The following SPEF2 variants were observed in gnomAD, a reference collection of about 807,000 sequenced individuals.
The protein encoded by SPEF2 is sperm flagellar and cilia associated 2.
SPEF2 carries 187 observed loss-of-function variants against 224.6 expected under a neutral mutation model. That is an observed-to-expected ratio of 0.83 (90% CI 0.74 to 0.94). The LOEUF is 0.94. Ranked by LOEUF, SPEF2 falls within the 40% of genes least tolerant of loss-of-function variation. SPEF2 has a pLI of 0.00. For missense variants in SPEF2, 2,170 were observed against 2,135.6 expected, an observed-to-expected ratio of 1.02 and a Z score of -0.32; for synonymous variants, 715 against 707.3, an observed-to-expected ratio of 1.01 and a Z score of -0.17.
chr5:35,637,662 G>C (rs989559329), intron 2 of SPEF2, among the ~76,000 whole-genome samples: 4 of 152,150 alleles, frequency 2.6e-5, no homozygotes, highest in Admixed American at 1.3e-4. Context: ...AGCTTCTGGT[G>C]TACAGGGTAA....
At chr5:35,671,602 T>C in intron 10 of SPEF2, 1 of 824,676 alleles carries the variant, frequency 1.2e-6, no homozygotes, top group Non-Finnish European at 1.5e-6. Context: ...AATGTTTATT[T>C]CTAAATTACT....
Position 35,649,916 on chromosome 5 carries a change from A to G in SPEF2, c.791+491A>G, listed in dbSNP as rs183709766. ...ACAAAGTTCCTCATTAACTGGCTTCATCTACCTAAAGATAAAGCTCCTTCA... is the reference window on the plus strand; with the variant it reads ...ACAAAGTTCCTCATTAACTGGCTTCGTCTACCTAAAGATAAAGCTCCTTCA... On this transcript the variant is annotated intron_variant, in intron 6 of 36. Coordinates refer to ENST00000356031, the MANE Select transcript of SPEF2 (RefSeq NM_024867.4). Among the ~76,000 whole-genome samples the G allele has an allele frequency of 1.3e-3, 202 of 152,350 alleles. 1 individual carries two copies. The highest frequency in any genetic ancestry group is 4.7e-3 in the African/African-American group (196 of 41,582).
intron 30 of SPEF2, among the ~76,000 whole-genome samples, chr5:35,786,947 A>G (rs367984374): frequency 2.4e-4 from 37 of 152,344 alleles, no homozygotes; most frequent in African/African-American, 8.4e-4. Flanking sequence ...TAATAAACAC[A>G]TATATTCAAT....
intron 6 of SPEF2, among the ~76,000 whole-genome samples, chr5:35,650,977 A>C (rs1038372771): frequency 2.0e-5 from 3 of 152,204 alleles, no homozygotes; most frequent in Non-Finnish European, 4.4e-5. Flanking sequence ...CTTTTGCCTC[A>C]CTGTCCTGTT....
At chr5:35,811,420 C>T (rs1758523160) in intron 36 of SPEF2, among the ~76,000 whole-genome samples, 1 of 152,104 alleles carries the variant, frequency 6.6e-6, no homozygotes, top group African/African-American at 2.4e-5. Flanking sequence ...TTTTAAGATA[C>T]ATATTTGAAA....
intron 10 of SPEF2, chr5:35,670,769 T>TA (rs1751133680): frequency 1.0e-6 from 1 of 984,694 alleles, no homozygotes; most frequent in Admixed American, 6.2e-5. Context: ...AGACTAGAGC[T>TA]ACATTACTGA....
chr5:35,751,357 T>C (rs1749620836), intron 23 of SPEF2, among the ~76,000 whole-genome samples: 1 of 150,622 alleles, frequency 6.6e-6, no homozygotes, highest in African/African-American at 2.4e-5. Flanking sequence ...ACTCCAAATA[T>C]GGTGCAGTGT....
At chr5:35,696,667 A>G (rs1049464326) in intron 14 of SPEF2, among the ~76,000 whole-genome samples, 2 of 152,182 alleles carry the variant, frequency 1.3e-5, no homozygotes, top group African/African-American at 4.8e-5. Flanking sequence ...TTACATTCTA[A>G]TGGAGAGAGA....
At chr5:35,662,177 G>A (rs187456496) in intron 8 of SPEF2, among the ~76,000 whole-genome samples, 1 of 152,112 alleles carries the variant, frequency 6.6e-6, no homozygotes, top group East Asian at 1.9e-4. Context: ...CTAATGGTCA[G>A]TGATGTTAAG....
At chr5:35,775,391 G>C (rs145700518) in intron 28 of SPEF2, among the ~76,000 whole-genome samples, 1 of 152,258 alleles carries the variant, frequency 6.6e-6, no homozygotes, top group East Asian at 1.9e-4. Context: ...GGAAAAATTG[G>C]CGTGAGAATG....
At chr5:35,706,128 C>A (rs957243596) in intron 18 of SPEF2, among the ~76,000 whole-genome samples, 1 of 151,258 alleles carries the variant, frequency 6.6e-6, no homozygotes. Context: ...TATTTGTAAT[C>A]TTTATTTGTT....
At chr5:35,800,395 TTACTC>T (rs1032054580) in intron 34 of SPEF2, among the ~76,000 whole-genome samples, 6 of 152,152 alleles carry the variant, frequency 3.9e-5, no homozygotes, top group African/African-American at 9.7e-5. Flanking sequence ...GAATCAAACT[TTACTC>T]TATAAAGGAT....
chr5:35,708,487 C>G, intron 18 of SPEF2, among the ~76,000 whole-genome samples: 1 of 111,326 alleles, frequency 9.0e-6, no homozygotes, highest in Non-Finnish European at 1.9e-5. Flanking sequence ...CTTATACCTG[C>G]TCCGTACACA....
At chr5:35,651,381 C>T (rs544378118) in intron 6 of SPEF2, among the ~76,000 whole-genome samples, 18 of 152,274 alleles carry the variant, frequency 1.2e-4, no homozygotes, top group Admixed American at 2.0e-4. Context: ...GATATTGACA[C>T]CCTCACTTAC....
chr5:35,771,449 A>T (rs1288368548), intron 26 of SPEF2, among the ~76,000 whole-genome samples, 160 bp from the exon 27 acceptor site: 1 of 152,238 alleles, frequency 6.6e-6, no homozygotes, highest in Non-Finnish European at 1.5e-5. Flanking sequence ...TTTCCACTTA[A>T]GTAAAACATG....
In SPEF2 at chr5:35,727,714, T is replaced by G. The variant is rs1252019730; in HGVS notation, c.2954T>G (p.Val985Gly). 1.2e-6 allele frequency: 2 copies of G among 1,613,800 alleles called. No homozygotes were observed. Among genetic ancestry groups the G allele is most frequent in the Admixed American group, 3.3e-5 (2 of 59,988 alleles). The change falls in exon 21 of 37, where the codon GTA (valine) becomes GGA (glycine). Residue 985 changes from valine (V) to glycine (G), a missense_variant. Val to Gly is a moderately radical substitution (Grantham distance 109). Transcript: ENST00000356031. ...KGKSSGGKVP[V>G]KKSPADSTDT... ...AAATCATCAGGAGGAAAAGTACCAG[T>G]AAAGAAATCACCTGCTGACTCTACA...
At chr5:35,705,459 A>G (rs951364047) in intron 17 of SPEF2, among the ~76,000 whole-genome samples, 192 bp from the exon 18 acceptor site, 5 of 152,074 alleles carry the variant, frequency 3.3e-5, no homozygotes, top group African/African-American at 1.2e-4. Flanking sequence ...ACTCTCATAC[A>G]TCTCAAAAAA....
intron 10 of SPEF2, among the ~76,000 whole-genome samples, chr5:35,682,617 C>T (rs1179800982): frequency 6.6e-6 from 1 of 152,186 alleles, no homozygotes; most frequent in Non-Finnish European, 1.5e-5. Context: ...ACTAGTACCA[C>T]TCCTCTAAAA....
intron 32 of SPEF2, among the ~76,000 whole-genome samples, chr5:35,793,943 G>T (rs1454179472): frequency 6.6e-6 from 1 of 152,218 alleles, no homozygotes; most frequent in Non-Finnish European, 1.5e-5. Context: ...TTGAATTTAT[G>T]AATGTATGAG....
Sources: gnomAD v4.1 joint callset for allele counts (sites outside exome capture counted in the v4.1 genomes callset) on GRCh38, gnomAD v4.1.1 for gene constraint, MANE v1.5 for transcripts, NCBI Gene and HGNC (gene_info 2026-07-23, HGNC 2026-07-21) for gene names.